Variants in SLC38A1 observed in about 807,000 individuals in gnomAD.
The protein encoded by SLC38A1 is sodium-coupled neutral amino acid symporter 1.
In SLC38A1, 18 loss-of-function variants were observed where a neutral mutation model predicts 60.3. That is an observed-to-expected ratio of 0.30 (90% confidence interval 0.21 to 0.44). The LOEUF is 0.44. SLC38A1 is among the 20% of genes least tolerant of loss of function. The pLI, the probability that SLC38A1 is intolerant of heterozygous loss-of-function variation, is 1.00. For missense variants in SLC38A1, 448 were observed against 587.2 expected, an observed-to-expected ratio of 0.76 and a Z score of 2.45; for synonymous variants, 196 against 212.1, an observed-to-expected ratio of 0.92 and a Z score of 0.66.
rs1938950169 is a variant in SLC38A1, at chr12:46,186,748, A to G, written c.*2222T>C. ...CCTTGTATTGACACATGAAACCCAG[A>G]GGCCCAAAAATATCACTACACATCC... On this transcript the variant is annotated 3_prime_UTR_variant, in exon 17 of 17. Transcript: ENST00000398637. The G allele has an allele frequency of 6.6e-6, 1 of 152,246 alleles. No individual in the cohort carries two copies. Among genetic ancestry groups the G allele is most frequent in the South Asian group, 2.1e-4 (1 of 4,836 alleles). 9.4% of individuals were successfully genotyped at this position (152,246 alleles called of 1,614,324 possible).
At chr12:46,219,724 T>C (rs1940575983) in intron 5 of SLC38A1, among the ~76,000 whole-genome samples, 2 of 152,248 alleles carry the variant, frequency 1.3e-5, no homozygotes, top group African/African-American at 2.4e-5. Context: ...CCTGGCCTAC[T>C]GTAAACCAGA....
chr12:46,207,394 C>T (rs1313241637), intron 7 of SLC38A1, 135 bp downstream of exon 7: 3 of 1,039,968 alleles, frequency 2.9e-6, no homozygotes, highest in Non-Finnish European at 4.3e-6. Context: ...TAAGTGACTG[C>T]TGTCTCTGCT....
In SLC38A1 at chr12:46,196,074, G is replaced by A; in HGVS notation, c.1362+1646C>T. 2.1e-6 allele frequency: 3 copies of A among 1,424,008 alleles called. No homozygotes were observed. The South Asian group carries it at 3.7e-5, about 18-fold the overall frequency. 88.2% of individuals were successfully genotyped at this position (1,424,008 alleles called of 1,614,324 possible). ...CTGCAGACCAGAGCTGTTCCTATTT[G>A]GCTATCTTGGAAGCAACCTCAGGTA... On this transcript the variant is annotated intron_variant, in intron 16 of 16. Coordinates refer to ENST00000398637, the MANE Select transcript of SLC38A1 (RefSeq NM_030674.4).
At chr12:46,194,243 A>G (rs1422143733) in intron 16 of SLC38A1, among the ~76,000 whole-genome samples, 1 of 152,168 alleles carries the variant, frequency 6.6e-6, no homozygotes, top group Non-Finnish European at 1.5e-5. Flanking sequence ...CTTTTCTTTC[A>G]TAATGTTGAA....
intron 12 of SLC38A1, among the ~76,000 whole-genome samples, chr12:46,202,557 G>A (rs1939709002): frequency 6.6e-6 from 1 of 151,996 alleles, no homozygotes; most frequent in Admixed American, 6.5e-5. Flanking sequence ...CCTAGTTTGT[G>A]GTCTTAATAT....
intron 1 of SLC38A1, among the ~76,000 whole-genome samples, chr12:46,262,224 A>G (rs1396458001): frequency 6.6e-6 from 1 of 152,234 alleles, no homozygotes; most frequent in Non-Finnish European, 1.5e-5. Context: ...AATGTCTGTT[A>G]TCAACATGAC....
intron 12 of SLC38A1, among the ~76,000 whole-genome samples, chr12:46,202,504 GA>G (rs1939707862): frequency 6.6e-6 from 1 of 152,060 alleles, no homozygotes; most frequent in Non-Finnish European, 1.5e-5. Flanking sequence ...TAAATCCATA[GA>G]ATTTTCTTAA....
chr12:46,188,816 GTC>G lies in SLC38A1; in HGVS notation c.*152_*153del, dbSNP rs1386494337. 1.7e-6 allele frequency: 1 copy of G among 583,394 alleles called. No individual in the cohort carries two copies. Among genetic ancestry groups the G allele is most frequent in the Non-Finnish European group, 3.0e-6 (1 of 329,224 alleles). The allele number at this position is 583,394 out of a possible 1,614,324, so 36.1% of individuals were successfully genotyped here. ...GGGACATGAAGCATTATAGAACCATGTCTCTGTTTTGCAACCAAAAAGTTATT... is the reference window on the plus strand; with the variant it reads ...GGGACATGAAGCATTATAGAACCATGTCTGTTTTGCAACCAAAAAGTTATT... On this transcript the variant is annotated 3_prime_UTR_variant, in exon 17 of 17. Coordinates refer to ENST00000398637, the MANE Select transcript of SLC38A1 (RefSeq NM_030674.4).
At chr12:46,233,070 G>A (rs933311545) in intron 3 of SLC38A1, among the ~76,000 whole-genome samples, 15 of 152,216 alleles carry the variant, frequency 9.9e-5, no homozygotes, top group Non-Finnish European at 2.1e-4. Context: ...CCAAGCTGGA[G>A]TGCAGTGACA....
rs117763288 is a variant in SLC38A1 at position 46,241,781 on chromosome 12, G to A, written c.-94+1419C>T. The stretch of plus-strand genomic sequence containing the variant: ...AAGCTGTCCAAATGGGCTAGACTGG[G>A]TAATTTCTAAAAGTCTTGCCACACT... On this transcript the variant is annotated intron_variant, in intron 2 of 16. Coordinates refer to ENST00000398637, the MANE Select transcript of SLC38A1 (RefSeq NM_030674.4). Among the ~76,000 whole-genome samples, 1,253 of 152,268 alleles carry A rather than the reference G, an allele frequency of 8.2e-3. 13 individuals carry two copies. The highest frequency in any genetic ancestry group is 0.017 in the Middle Eastern group (5 of 294).
chr12:46,193,749 G>T (rs1221844906), intron 16 of SLC38A1, among the ~76,000 whole-genome samples: 1 of 151,436 alleles, frequency 6.6e-6, no homozygotes, highest in Non-Finnish European at 1.5e-5. Flanking sequence ...GACTAGGATG[G>T]CAAGTCCTGC....
intron 13 of SLC38A1, 62 bp downstream of exon 13, chr12:46,201,036 C>T: frequency 2.5e-6 from 3 of 1,193,804 alleles, no homozygotes; most frequent in Non-Finnish European, 3.6e-6. Flanking sequence ...GTTATTTCAA[C>T]ACTAATTTTT....
At chr12:46,211,126 A>G (rs559504486) in intron 5 of SLC38A1, among the ~76,000 whole-genome samples, 126 of 152,332 alleles carry the variant, frequency 8.3e-4, no homozygotes, top group African/African-American at 2.9e-3. Context: ...GGTTTCTTGC[A>G]GAGTTCACTT....
intron 9 of SLC38A1, 124 bp from the exon 10 acceptor site, chr12:46,204,714 G>C: frequency 1.5e-6 from 1 of 663,778 alleles, no homozygotes; most frequent in East Asian, 2.8e-5. Flanking sequence ...TGCATTATTT[G>C]AAGCATATTT....
intron 5 of SLC38A1, among the ~76,000 whole-genome samples, chr12:46,225,956 T>C (rs1412339872): frequency 2.0e-5 from 3 of 152,186 alleles, no homozygotes; most frequent in Non-Finnish European, 4.4e-5. Context: ...TTAAAATACA[T>C]ATCAACCAAT....
At chr12:46,199,971 A>G (rs1442118940) in intron 13 of SLC38A1, among the ~76,000 whole-genome samples, 2 of 152,234 alleles carry the variant, frequency 1.3e-5, no homozygotes, top group Non-Finnish European at 2.9e-5. Context: ...CTTAAAAAAT[A>G]GCTAATCCTT....
At chr12:46,213,331 G>A (rs993363689) in intron 5 of SLC38A1, among the ~76,000 whole-genome samples, 3 of 151,870 alleles carry the variant, frequency 2.0e-5, no homozygotes, top group Non-Finnish European at 2.9e-5. Flanking sequence ...TACTTTTTTT[G>A]TCTGTTTCTG....
intron 16 of SLC38A1, 76 bp from the exon 17 acceptor site, chr12:46,189,147 AAC>A (rs1298618200): frequency 9.2e-7 from 1 of 1,083,350 alleles, no homozygotes. Flanking sequence ...AAAAAAATAG[AAC>A]AGTTTTTCCT....
chr12:46,216,926 C>T (rs1940440880), intron 5 of SLC38A1, among the ~76,000 whole-genome samples: 1 of 151,918 alleles, frequency 6.6e-6, no homozygotes, highest in Admixed American at 6.6e-5. Flanking sequence ...AGCAAAGAGA[C>T]AGGGACAAGG....
Sources: allele counts gnomAD v4.1 joint callset (sites outside exome capture counted in the v4.1 genomes callset), GRCh38; gene constraint gnomAD v4.1.1; transcripts MANE v1.5; gene names NCBI Gene and HGNC (gene_info 2026-07-23, HGNC 2026-07-21).